FBXL18: variants seen among roughly 807,000 people sequenced by gnomAD.
FBXL18 encodes F-box and leucine rich repeat protein 18, also known as F-box/LRR-repeat protein 18.
A neutral mutation model predicts 46.0 loss-of-function variants in FBXL18; 36 were observed. The observed-to-expected ratio is 0.78, with a 90% CI of 0.60 to 1.03. The LOEUF is 1.03. Among genes scored for constraint, FBXL18 ranks in the 50% least tolerant of loss-of-function variants. FBXL18 has a pLI of 0.00. For missense variants in FBXL18, 977 were observed against 1,004.1 expected, an observed-to-expected ratio of 0.97 and a Z score of 0.36; for synonymous variants, 557 against 465.3, an observed-to-expected ratio of 1.20 and a Z score of -2.54.
chr7:5,462,968 AAATATATATAT>A (rs1220865667), intron 4 of FBXL18, among the ~76,000 whole-genome samples: 7 of 15,564 alleles, frequency 4.5e-4, no homozygotes, highest in African/African-American at 1.1e-3. Context: ...AAAAAAAAAA[AAATATATATAT>A]ATATATATAT....
downstream of FBXL18, among the ~76,000 whole-genome samples, chr7:5,470,951 A>C (rs4724693): frequency 0.87 from 131,999 of 152,008 alleles, 57,393 homozygotes; most frequent in East Asian, 0.93. Context: ...CTGAGTAGGG[A>C]CTCCCCTCCC....
intron 4 of FBXL18, among the ~76,000 whole-genome samples, chr7:5,467,300 G>A (rs1323497171): frequency 1.3e-5 from 2 of 152,050 alleles, no homozygotes; most frequent in Admixed American, 6.6e-5. Context: ...GCAGTGAGCC[G>A]AGATTGCGCC....
At chr7:5,490,135 G>T (rs1325857010) in intron 4 of FBXL18, 6 of 1,359,670 alleles carry the variant, frequency 4.4e-6, no homozygotes, top group Non-Finnish European at 5.9e-6. Context: ...GCGCCCAGTG[G>T]CTCGAGACGT....
At chr7:5,511,209 G>C (rs1784522163) in intron 1 of FBXL18, among the ~76,000 whole-genome samples, 1 of 152,102 alleles carries the variant, frequency 6.6e-6, no homozygotes. Flanking sequence ...AGCCAAGGCA[G>C]GTGGATTATG....
At chr7:5,490,202 C>A (rs1355660218) in intron 4 of FBXL18, 2 of 1,340,030 alleles carry the variant, frequency 1.5e-6, no homozygotes, top group African/African-American at 1.5e-5. Context: ...CTTCCTGTCA[C>A]CTCTCCCCAC....
chr7:5,470,636 C>A (rs1028769353), intron 4 of FBXL18, among the ~76,000 whole-genome samples: 8 of 152,006 alleles, frequency 5.3e-5, no homozygotes, highest in Non-Finnish European at 1.5e-5. Context: ...AAGGGGAGAC[C>A]CCCAGGCCCC....
In FBXL18 at chr7:5,498,021, G is replaced by C. The variant is rs532678609; in HGVS notation, c.1781+2467C>G. The stretch of plus-strand genomic sequence containing the variant: ...TTTCTCCCCCACCCAGTCCCTGGTA[G>C]TACTGAGGCTCAAGGCCTTCACTAC... On this transcript the variant is annotated intron_variant, in intron 3 of 4. Transcript: ENST00000382368. Among the ~76,000 whole-genome samples the C allele has an allele frequency of 7.2e-3, 1,092 of 151,312 alleles. 8 individuals carry two copies. The highest frequency in any genetic ancestry group is 0.017 in the South Asian group (83 of 4,788).
At chr7:5,512,803 C>T (rs574539975) in intron 1 of FBXL18, among the ~76,000 whole-genome samples, 2 of 152,238 alleles carry the variant, frequency 1.3e-5, no homozygotes, top group East Asian at 3.9e-4. Context: ...CATTTCTAGG[C>T]CGCATTCACT....
intron 3 of FBXL18, among the ~76,000 whole-genome samples, chr7:5,493,681 G>A (rs754123891): frequency 1.9e-4 from 26 of 135,440 alleles, no homozygotes; most frequent in South Asian, 4.8e-4. Context: ...GCGTGCGTGC[G>A]TGCGTGTGTG....
intron 3 of FBXL18, among the ~76,000 whole-genome samples, chr7:5,495,127 A>G (rs1285871403): frequency 6.6e-6 from 1 of 152,134 alleles, no homozygotes; most frequent in East Asian, 1.9e-4. Flanking sequence ...AAAGGCTCCC[A>G]CTGCGCCGGG....
Position 5,491,459 on chromosome 7 carries a change from G to A in FBXL18, c.1782-10C>T. 6.4e-7 allele frequency: 1 copy of A among 1,562,616 alleles called. No individual in the cohort carries two copies. Among genetic ancestry groups the A allele is most frequent in the Non-Finnish European group, 8.7e-7 (1 of 1,154,552 alleles). On this transcript the variant is annotated splice_polypyrimidine_tract_variant and intron_variant, in intron 3 of 4. Coordinates refer to ENST00000382368, the MANE Select transcript of FBXL18 (RefSeq NM_024963.6). Reference sequence around the variant, plus strand: ...GTAGGGCTGCTCCAGCCTGCGGGGAGAGAGGGCAGCTGTGAGGTCCGAGGG... The same window carrying A: ...GTAGGGCTGCTCCAGCCTGCGGGGAAAGAGGGCAGCTGTGAGGTCCGAGGG...
chr7:5,495,673 G>A, intron 3 of FBXL18: 1 of 334,310 alleles, frequency 3.0e-6, no homozygotes, highest in South Asian at 2.1e-5. Context: ...CCAGGATGCG[G>A]CCTCGGAGCA....
chr7:5,493,830 A>C (rs1045578548), intron 3 of FBXL18, among the ~76,000 whole-genome samples: 1 of 151,700 alleles, frequency 6.6e-6, no homozygotes, highest in Non-Finnish European at 1.5e-5. Context: ...TTTTCTTTTA[A>C]TTGATTTAAG....
intron 4 of FBXL18, among the ~76,000 whole-genome samples, chr7:5,464,661 C>A (rs1199244157): frequency 1.8e-4 from 3 of 16,452 alleles, no homozygotes; most frequent in Admixed American, 8.8e-4. Context: ...AAACTCTTAT[C>A]TCAAAAAAAA....
intron 3 of FBXL18, among the ~76,000 whole-genome samples, chr7:5,493,362 C>T (rs1017037829): frequency 2.0e-5 from 3 of 152,162 alleles, no homozygotes; most frequent in Non-Finnish European, 2.9e-5. Flanking sequence ...AGTGCAGTGG[C>T]GTGATCTCAG....
Position 5,501,715 on chromosome 7 carries a change from T to C in FBXL18, c.554A>G (p.Tyr185Cys). 1 of 1,585,294 alleles carries C rather than the reference T, an allele frequency of 6.3e-7. No homozygotes were observed. The highest frequency in any genetic ancestry group is 8.6e-7 in the Non-Finnish European group (1 of 1,165,452). Residue 185 changes from tyrosine (Y) to cysteine (C), a missense_variant, in exon 3 of 5, where the codon TAC becomes TGC. By Grantham distance (194) the Tyr-to-Cys change is radical. Transcript: ENST00000382368. ...GCTGGTGCAGCAGGGCACCACGCCG[T>C]AGGAGGGAGTGAACAGCGTCTGCTT... ...ELKQTLFTPS[Y>C]GVVPCCTSLE... is the part of the protein sequence containing the mutation.
chr7:5,468,300 G>A (rs1783376298), intron 4 of FBXL18, among the ~76,000 whole-genome samples: 2 of 151,802 alleles, frequency 1.3e-5, no homozygotes, highest in Admixed American at 1.3e-4. Flanking sequence ...TGTATTTTTA[G>A]TAGAAACGGG....
Position 5,505,439 on chromosome 7 carries a change from G to T in FBXL18, c.210C>A (p.His70Gln), listed in dbSNP as rs754562393. Reference protein sequence around the residue: ...AALCLDKSLIHTVLLQKDYQA... With the variant: ...AALCLDKSLIQTVLLQKDYQA... ...GATAGTCCTTTTGCAGCAACACGGTGTGGATGAGGCTCTTGTCAAGGCACA... is the reference window on the plus strand; with the variant it reads ...GATAGTCCTTTTGCAGCAACACGGTTTGGATGAGGCTCTTGTCAAGGCACA... The change falls in exon 2 of 5, where the codon CAC becomes CAA. Residue 70 changes from histidine (H) to glutamine (Q), a missense_variant. By Grantham distance (24) the His-to-Gln change is conservative. Coordinates refer to ENST00000382368, the MANE Select transcript of FBXL18 (RefSeq NM_024963.6). 5 of 1,614,062 alleles carry T rather than the reference G, an allele frequency of 3.1e-6. No homozygotes were observed. Among genetic ancestry groups the T allele is most frequent in the Non-Finnish European group, 4.2e-6 (5 of 1,180,046 alleles).
At chr7:5,497,992 C>A (rs1024146096) in intron 3 of FBXL18, among the ~76,000 whole-genome samples, 1 of 152,140 alleles carries the variant, frequency 6.6e-6, no homozygotes, top group African/African-American at 2.4e-5. Flanking sequence ...AGCCCTGCCT[C>A]CACTTTCTCC....
Sources: gnomAD v4.1 joint callset for allele counts (sites outside exome capture counted in the v4.1 genomes callset) on GRCh38, gnomAD v4.1.1 for gene constraint, MANE v1.5 for transcripts, NCBI Gene and HGNC (gene_info 2026-07-23, HGNC 2026-07-21) for gene names.